Variants in ELK3 observed in about 807,000 individuals in gnomAD.
ELK3 encodes the protein ETS domain-containing protein Elk-3.
ELK3 carries 10 observed loss-of-function variants against 28.9 expected under a neutral mutation model. That is an observed-to-expected ratio of 0.35 (90% CI 0.21 to 0.59). The LOEUF (loss-of-function observed/expected upper bound fraction) is 0.59. Among genes scored for constraint, ELK3 ranks in the 20% least tolerant of loss-of-function variants. ELK3 has a pLI of 0.82. For synonymous variants in ELK3, 272 were observed against 243.5 expected, an observed-to-expected ratio of 1.12 and a Z score of -1.09; for missense variants, 463 against 517.3, an observed-to-expected ratio of 0.90 and a Z score of 1.02.
At chr12:96,240,460 T>G (rs1951813118) in intron 2 of ELK3, among the ~76,000 whole-genome samples, 1 of 152,202 alleles carries the variant, frequency 6.6e-6, no homozygotes, top group Non-Finnish European at 1.5e-5. Flanking sequence ...ATGAGGCAGA[T>G]GGATCAGTCC....
Position 96,268,070 on chromosome 12 carries a change from A to G in ELK3, c.*890A>G, listed in dbSNP as rs192515761. 2 of 152,342 alleles carry G rather than the reference A, an allele frequency of 1.3e-5. No individual in the cohort carries two copies. Among genetic ancestry groups the G allele is most frequent in the East Asian group, 3.9e-4 (2 of 5,184 alleles). The allele number at this position is 152,342 out of a possible 1,614,324, so 9.4% of individuals were successfully genotyped here. ...CCATAGGGAATCCCGACCATCTGAT[A>G]TATTTACTGTGTCAGTATAAGTAAG... On this transcript the variant is annotated 3_prime_UTR_variant, in exon 5 of 5. Coordinates refer to ENST00000228741, the MANE Select transcript of ELK3 (RefSeq NM_005230.4).
intron 4 of ELK3, among the ~76,000 whole-genome samples, chr12:96,262,856 G>A (rs1952004209): frequency 6.8e-6 from 1 of 147,970 alleles, no homozygotes; most frequent in Non-Finnish European, 1.5e-5. Context: ...GTCTCATTAT[G>A]TTGTCCAGGC....
chr12:96,225,882 C>T (rs1951695612), intron 2 of ELK3, among the ~76,000 whole-genome samples: 1 of 152,220 alleles, frequency 6.6e-6, no homozygotes, highest in African/African-American at 2.4e-5. Context: ...CACCTAATCC[C>T]AGCACTTTGG....
chr12:96,259,423 G>A (rs1394830117), intron 3 of ELK3, among the ~76,000 whole-genome samples: 1 of 152,136 alleles, frequency 6.6e-6, no homozygotes, highest in Non-Finnish European at 1.5e-5. Context: ...GTGGGTGCCT[G>A]TAATCCCAGC....
chr12:96,214,458 A>AC (rs201461079), intron 1 of ELK3, among the ~76,000 whole-genome samples: 11 of 144,232 alleles, frequency 7.6e-5, no homozygotes, highest in African/African-American at 2.0e-4. Flanking sequence ...AAACAAACAA[A>AC]AAAAAAAACA....
At chr12:96,198,100 C>G (rs1363912219) in intron 1 of ELK3, 1 of 152,116 alleles carries the variant, frequency 6.6e-6, no homozygotes, top group African/African-American at 2.4e-5. Flanking sequence ...AGAAAACTAT[C>G]CAAGAATGTG....
Position 96,219,905 on chromosome 12 carries a change from A to C in ELK3, c.-2-3660A>C, listed in dbSNP as rs145566130. On this transcript the variant is annotated intron_variant, in intron 1 of 4. Coordinates refer to ENST00000228741, the MANE Select transcript of ELK3 (RefSeq NM_005230.4). ...TGAAGGAGTGGCTCAAGAGAGCGCG[A>C]GAAGAGGAGAACGAGGCCCTCAGCA... 8.3e-3 allele frequency among the ~76,000 whole-genome samples: 1,257 copies of C among 152,238 alleles called. 21 individuals are homozygous for C. Among genetic ancestry groups the C allele is most frequent in the African/African-American group, 0.028 (1,166 of 41,532 alleles).
At chr12:96,256,754 G>A (rs1448937858) in intron 3 of ELK3, among the ~76,000 whole-genome samples, 1 of 152,234 alleles carries the variant, frequency 6.6e-6, no homozygotes, top group Non-Finnish European at 1.5e-5. Context: ...ATCCCATCTG[G>A]TTGAGGGGAG....
chr12:96,257,549 C>T (rs1475734918), intron 3 of ELK3, among the ~76,000 whole-genome samples: 1 of 152,080 alleles, frequency 6.6e-6, no homozygotes, highest in Non-Finnish European at 1.5e-5. Flanking sequence ...ATATGATGGC[C>T]ATGGAGGAGA....
intron 2 of ELK3, among the ~76,000 whole-genome samples, chr12:96,224,779 A>G (rs1951687892): frequency 6.6e-6 from 1 of 152,228 alleles, no homozygotes; most frequent in South Asian, 2.1e-4. Context: ...GCATAGAGCC[A>G]TGATAATGGT....
chr12:96,214,494 A>T (rs1327838711), intron 1 of ELK3, among the ~76,000 whole-genome samples: 3 of 152,080 alleles, frequency 2.0e-5, no homozygotes, highest in Non-Finnish European at 4.4e-5. Flanking sequence ...GACTGTAAAG[A>T]GTAAGTAAAT....
At chr12:96,235,934 T>C (rs1378933583) in intron 2 of ELK3, among the ~76,000 whole-genome samples, 3 of 152,158 alleles carry the variant, frequency 2.0e-5, no homozygotes, top group Non-Finnish European at 2.9e-5. Context: ...TTCGAGCGAT[T>C]CTCCTGCCTT....
intron 2 of ELK3, among the ~76,000 whole-genome samples, chr12:96,242,536 G>A (rs1295216240): frequency 6.6e-6 from 1 of 152,216 alleles, no homozygotes; most frequent in Non-Finnish European, 1.5e-5. Flanking sequence ...GGAAGCCACA[G>A]AGAGATCTTC....
At chr12:96,203,037 C>A (rs930614776) in intron 1 of ELK3, among the ~76,000 whole-genome samples, 2 of 152,094 alleles carry the variant, frequency 1.3e-5, no homozygotes, top group African/African-American at 4.8e-5. Context: ...CATGCGCCAC[C>A]CCACCTGGCT....
chr12:96,221,397 G>A (rs114019519), intron 1 of ELK3, among the ~76,000 whole-genome samples: 3,313 of 152,266 alleles, frequency 0.022, 110 homozygotes, highest in African/African-American at 0.075. Context: ...AGTGGGGGGT[G>A]GCGGTGGCCG....
At chr12:96,227,879 G>T (rs1461782221) in intron 2 of ELK3, among the ~76,000 whole-genome samples, 1 of 152,146 alleles carries the variant, frequency 6.6e-6, no homozygotes, top group Non-Finnish European at 1.5e-5. Context: ...GCTGTGGTGG[G>T]ATTCATTGTG....
Position 96,223,707 on chromosome 12 carries a change from C to A in ELK3, c.141C>A (p.Leu47=). 30 of 1,614,054 alleles carry A rather than the reference C, an allele frequency of 1.9e-5. No homozygotes were observed. The highest frequency in any genetic ancestry group is 1.4e-4 in the South Asian group (13 of 91,078). ...KAEEVAKLWG[L]RKNKTNMNYD... ...AAGAAGTGGCCAAGCTGTGGGGACTCCGAAAAAACAAAACAAATATGAACT... is the reference window on the plus strand; with the variant it reads ...AAGAAGTGGCCAAGCTGTGGGGACTACGAAAAAACAAAACAAATATGAACT... Residue 47 remains leucine (L), a synonymous_variant, in exon 2 of 5, where the codon CTC becomes CTA. Coordinates refer to ENST00000228741, the MANE Select transcript of ELK3 (RefSeq NM_005230.4).
At chr12:96,236,423 T>C (rs1302126511) in intron 2 of ELK3, among the ~76,000 whole-genome samples, 1 of 152,144 alleles carries the variant, frequency 6.6e-6, no homozygotes, top group African/African-American at 2.4e-5. Flanking sequence ...GTGAGATAGT[T>C]CACGCTGCAG....
chr12:96,243,501 T>C (rs781703378), intron 2 of ELK3, among the ~76,000 whole-genome samples: 4 of 151,978 alleles, frequency 2.6e-5, no homozygotes, highest in Non-Finnish European at 5.9e-5. Context: ...GGCGGGCAGA[T>C]CACCTGAGGT....
Sources: gnomAD v4.1 joint callset for allele counts (sites outside exome capture counted in the v4.1 genomes callset) on GRCh38, gnomAD v4.1.1 for gene constraint, MANE v1.5 for transcripts, NCBI Gene and HGNC (gene_info 2026-07-23, HGNC 2026-07-21) for gene names.